SARS2: variants seen among roughly 807,000 people sequenced by gnomAD.
The protein encoded by SARS2 is serine--tRNA ligase, mitochondrial.
SARS2 carries 52 observed loss-of-function variants against 66.8 expected under a neutral mutation model. That is an observed-to-expected ratio of 0.78 (90% confidence interval 0.62 to 0.98). SARS2 has a LOEUF of 0.98. SARS2 is among the 50% of genes least tolerant of loss of function. The probability of loss-of-function intolerance (pLI) is 0.00; values close to 1 mark genes in which losing one functional copy is unlikely to be tolerated. For missense variants in SARS2, 673 were observed against 706.3 expected (o/e 0.95, Z 0.53); for synonymous variants, 306 against 281.4 (o/e 1.09, Z -0.87).
chr19:38,915,958 G>A (rs2144760003), intron 14 of SARS2, 52 bp from the exon 15 acceptor site: 2 of 1,612,908 alleles, frequency 1.2e-6, no homozygotes, highest in Non-Finnish European at 1.7e-6. Context: ...TGAGCCCGGG[G>A]AGGAGCCAAG....
chr19:38,929,656 G>A (rs574174022), intron 1 of SARS2, among the ~76,000 whole-genome samples: 1 of 151,910 alleles, frequency 6.6e-6, no homozygotes, highest in East Asian at 1.9e-4. Context: ...TAGCGCAAGT[G>A]AATTAGCTTC....
chr19:38,917,046 T>C (rs1210599264), intron 12 of SARS2, among the ~76,000 whole-genome samples: 5 of 151,226 alleles, frequency 3.3e-5, no homozygotes. Context: ...CATTGTAGCC[T>C]CCACCTCCTG....
intron 7 of SARS2, 42 bp downstream of exon 7, chr19:38,919,720 G>T (rs768757496): frequency 2.6e-6 from 4 of 1,531,574 alleles, no homozygotes; most frequent in Non-Finnish European, 3.6e-6. Flanking sequence ...GCTCAGCTTC[G>T]ATGCCACCCC....
chr19:38,923,004 C>T (rs933824462), intron 2 of SARS2, among the ~76,000 whole-genome samples: 2 of 150,050 alleles, frequency 1.3e-5, no homozygotes, highest in African/African-American at 2.5e-5. Context: ...CCTGGGTTCA[C>T]GCCATTCTCC....
intron 1 of SARS2, among the ~76,000 whole-genome samples, chr19:38,927,540 T>C (rs1225432764): frequency 6.6e-6 from 1 of 150,918 alleles, no homozygotes; most frequent in Non-Finnish European, 1.5e-5. Context: ...ATCATGCCAC[T>C]GCACTCCAGC....
chr19:38,922,269 T>G lies in SARS2; in HGVS notation c.364-2A>C. ...CACTTCACCACTGTCCTGGTTTGCC[T>G]GGTAGAAAAGAGACAGGGTGGGTGA... is the stretch of plus-strand genomic sequence containing the variant. On this transcript the variant is annotated splice_acceptor_variant, in intron 2 of 15. Transcript: ENST00000221431. LOFTEE classifies it high-confidence loss of function. The G allele has an allele frequency of 6.2e-7, 1 of 1,614,020 alleles. No homozygotes were observed. The highest frequency in any genetic ancestry group is 8.5e-7 in the Non-Finnish European group (1 of 1,179,972).
chr19:38,930,423 C>A, intron 1 of SARS2, 47 bp downstream of exon 1: 1 of 1,552,746 alleles, frequency 6.4e-7, no homozygotes, highest in Non-Finnish European at 8.7e-7. Context: ...CCCAATTCTT[C>A]CGTAAAGCAA....
Position 38,926,167 on chromosome 19 carries a change from C to T in SARS2, c.363+38G>A, listed in dbSNP as rs901062425. 4.6e-6 allele frequency: 7 copies of T among 1,530,346 alleles called. No homozygotes were observed. The Admixed American group carries it at 5.0e-5, about 11-fold the overall frequency. The allele number at this position is 1,530,346 out of a possible 1,614,324, so 94.8% of individuals were successfully genotyped here. ...TGTTACCTGTGTCTAGAGACACCCT[C>T]GTGGCCACTCCCCACCTACTCAGGG... On this transcript the variant is annotated intron_variant, in intron 2 of 15. Transcript: ENST00000221431.
chr19:38,926,168 G>A (rs756367809), intron 2 of SARS2, 37 bp downstream of exon 2: 19 of 1,538,326 alleles, frequency 1.2e-5, no homozygotes, highest in South Asian at 8.9e-5. Context: ...AGACACCCTC[G>A]TGGCCACTCC....
At position 38,926,234 on chromosome 19, in the gene SARS2, C is replaced by A. The variant is rs760379923; in HGVS notation, c.334G>T (p.Ala112Ser). The change falls in exon 2 of 16, where the codon GCT becomes TCT. Residue 112 changes from alanine (A) to serine (S), a missense_variant. Physicochemically the swap from Ala to Ser is moderately conservative, Grantham distance 99 (BLOSUM62 1). Transcript: ENST00000221431. Reference sequence around the variant, plus strand: ...AGGGCCCGCACTGCCTCAGTCACAGCTGCCTTCTCTTCCTCCAGGCTCCGG... The same window carrying A: ...AGGGCCCGCACTGCCTCAGTCACAGATGCCTTCTCTTCCTCCAGGCTCCGG... ...QIRSLEEEKA[A>S]VTEAVRALLA... 1.2e-6 allele frequency: 2 copies of A among 1,606,822 alleles called. No homozygotes were observed. The highest frequency in any genetic ancestry group is 1.7e-5 in the Admixed American group (1 of 60,020).
intron 1 of SARS2, among the ~76,000 whole-genome samples, chr19:38,926,513 T>C (rs769868413): frequency 6.6e-6 from 1 of 152,140 alleles, no homozygotes; most frequent in Non-Finnish European, 1.5e-5. Context: ...TGGCCGAGCA[T>C]AGTGGCTCAT....
chr19:38,921,933 A>C (rs1974543840), intron 3 of SARS2: 1 of 1,520,918 alleles, frequency 6.6e-7, no homozygotes, highest in Non-Finnish European at 8.9e-7. Context: ...AGCTGAACTC[A>C]TGAGAATCAG....
chr19:38,917,700 TG>T, intron 12 of SARS2, 23 bp downstream of exon 12: 1 of 1,003,556 alleles, frequency 1.0e-6, no homozygotes, highest in Non-Finnish European at 1.6e-6. Flanking sequence ...CTGCCATCCC[TG>T]GATCCCTGGC....
rs777038996 is a variant in SARS2 at position 38,916,077 on chromosome 19, A to C, written c.1307T>G (p.Met436Arg). ...CAGCTCCCCAGCCTCGGTCTGGAACATGATGTGGAGGCGGCGGCTCTGGAA... is the reference window on the plus strand; with the variant it reads ...CAGCTCCCCAGCCTCGGTCTGGAACCTGATGTGGAGGCGGCGGCTCTGGAA... ...TDFQSRRLHI[M>R]FQTEAGELQF... is the part of the protein sequence containing the mutation. The change falls in exon 14 of 16, where the codon ATG becomes AGG. Residue 436 changes from methionine to arginine, a missense_variant. Coordinates refer to ENST00000221431, the MANE Select transcript of SARS2 (RefSeq NM_017827.4). 1.2e-6 allele frequency: 2 copies of C among 1,613,778 alleles called. No individual in the cohort carries two copies. The highest frequency in any genetic ancestry group is 1.7e-6 in the Non-Finnish European group (2 of 1,179,964).
Position 38,926,228 on chromosome 19 carries a change from T to A in SARS2, c.340A>T (p.Thr114Ser). Residue 114 changes from threonine (T) to serine (S), a missense_variant, in exon 2 of 16, where the codon ACT becomes TCT. By Grantham distance (58) the Thr-to-Ser change is moderately conservative (BLOSUM62 1). Coordinates refer to ENST00000221431, the MANE Select transcript of SARS2 (RefSeq NM_017827.4). ...ACCAGCAGGGCCCGCACTGCCTCAG[T>A]CACAGCTGCCTTCTCTTCCTCCAGG... ...RSLEEEKAAV[T>S]EAVRALLANQ... The A allele has an allele frequency of 6.2e-7, 1 of 1,606,764 alleles. No homozygotes were observed. Among genetic ancestry groups the A allele is most frequent in the Non-Finnish European group, 8.5e-7 (1 of 1,179,954 alleles).
At chr19:38,924,317 C>G (rs1011001573) in intron 2 of SARS2, among the ~76,000 whole-genome samples, 106 of 152,270 alleles carry the variant, frequency 7.0e-4, no homozygotes, top group African/African-American at 2.6e-3. Context: ...TGTTGGGCAC[C>G]TACATGCTGT....
intron 2 of SARS2, among the ~76,000 whole-genome samples, chr19:38,923,064 C>T (rs1468645918): frequency 6.9e-5 from 5 of 72,762 alleles, no homozygotes; most frequent in African/African-American, 4.0e-4. Context: ...CCACCACGAT[C>T]GGCTAATTTT....
At chr19:38,921,349 C>T (rs1378217930) in intron 5 of SARS2, 43 bp downstream of exon 5, 2 of 1,607,492 alleles carry the variant, frequency 1.2e-6, no homozygotes, top group African/African-American at 2.7e-5. Context: ...AGAACCCCCA[C>T]ACCGCAGGGC....
At chr19:38,929,161 G>A (rs895968378) in intron 1 of SARS2, among the ~76,000 whole-genome samples, 1 of 151,668 alleles carries the variant, frequency 6.6e-6, no homozygotes, top group Admixed American at 6.6e-5. Context: ...AAGTCGCAGC[G>A]CACTCCAGCC....
Sources: allele counts gnomAD v4.1 joint callset (sites outside exome capture counted in the v4.1 genomes callset), GRCh38; gene constraint gnomAD v4.1.1; transcripts MANE v1.5; gene names NCBI Gene and HGNC (gene_info 2026-07-23, HGNC 2026-07-21).